TRAF3: variants seen among roughly 807,000 people sequenced by gnomAD.
TRAF3 encodes the protein TNF receptor associated factor 3.
TRAF3 carries 13 observed loss-of-function variants against 62.3 expected under a neutral mutation model. The ratio of observed to expected loss-of-function variants is 0.21; its 90% CI spans 0.14 to 0.33. The LOEUF (loss-of-function observed/expected upper bound fraction) is 0.33, where lower values mean the gene tolerates loss of function less well. Ranked by LOEUF, TRAF3 falls within the 10% of genes least tolerant of loss-of-function variation. TRAF3 has a pLI of 1.00. For missense variants in TRAF3, 440 were observed against 741.8 expected (o/e 0.59, Z 4.73); for synonymous variants, 269 against 283.4 (o/e 0.95, Z 0.51).
intron 2 of TRAF3, among the ~76,000 whole-genome samples, chr14:102,864,731 C>T (rs927901213): frequency 3.9e-5 from 6 of 152,180 alleles, no homozygotes; most frequent in African/African-American, 1.2e-4. Context: ...GCCCTCCCTG[C>T]TGTTAAGAAC....
chr14:102,784,166 C>T (rs1027278074), intron 1 of TRAF3, among the ~76,000 whole-genome samples: 1 of 150,104 alleles, frequency 6.7e-6, no homozygotes, highest in African/African-American at 2.5e-5. Context: ...ATAGGTTTTT[C>T]CCTGCATTTT....
At chr14:102,876,629 T>G (rs973419104) in intron 6 of TRAF3, 104 bp downstream of exon 6, 2 of 1,446,916 alleles carry the variant, frequency 1.4e-6, no homozygotes, top group Non-Finnish European at 1.9e-6. Context: ...AGGCCTTCCC[T>G]CAACTCATAG....
At chr14:102,837,533 T>A (rs1169565019) in intron 2 of TRAF3, among the ~76,000 whole-genome samples, 1 of 152,174 alleles carries the variant, frequency 6.6e-6, no homozygotes, top group Non-Finnish European at 1.5e-5. Context: ...ACTAGCCTTA[T>A]TTGGTTCAGC....
chr14:102,838,670 C>T (rs980264162), intron 2 of TRAF3, among the ~76,000 whole-genome samples: 8 of 152,132 alleles, frequency 5.3e-5, no homozygotes, highest in Admixed American at 1.3e-4. Flanking sequence ...AGGAGACAGT[C>T]GTTGCGGCTG....
At position 102,903,163 on chromosome 14, in the gene TRAF3, C is replaced by G. The variant is rs768344567; in HGVS notation, c.961-92C>G. ...CCTCATACAGGGGCCTCTGACTGTT[C>G]TGCTCCTAGCCTGTCTGTATTTGAT... On this transcript the variant is annotated intron_variant, in intron 10 of 11. Transcript: ENST00000392745. The surrounding 1 kb of genome is among the most constrained non-coding windows in gnomAD (Gnocchi z 6.4). The G allele has an allele frequency of 8.9e-6, 14 of 1,581,704 alleles. No individual in the cohort carries two copies. The highest frequency in any genetic ancestry group is 4.5e-5 in the East Asian group (2 of 44,702).
chr14:102,777,788 G>T, intron 1 of TRAF3, 113 bp downstream of exon 1: 1 of 143,534 alleles, frequency 7.0e-6, no homozygotes, highest in Middle Eastern at 3.6e-3. Flanking sequence ...GGGGCTGCCC[G>T]GCGCGGGCCC....
rs148676941 is a variant in TRAF3, at chr14:102,807,478, A to G, written c.-156-22856A>G. On this transcript the variant is annotated intron_variant, in intron 1 of 11. Coordinates refer to ENST00000392745, the MANE Select transcript of TRAF3 (RefSeq NM_145725.3). The stretch of plus-strand genomic sequence containing the variant: ...ACTAGCCATGTTTATTTTCTTGTGG[A>G]GATGGGGTCTTGCTATGCTGCCCAG... Among the ~76,000 whole-genome samples the G allele has an allele frequency of 7.7e-3, 1,165 of 152,194 alleles. 9 individuals are homozygous for G. Among genetic ancestry groups the G allele is most frequent in the South Asian group, 0.042 (204 of 4,826 alleles).
intron 1 of TRAF3, among the ~76,000 whole-genome samples, chr14:102,792,432 A>AT (rs35496572): frequency 0.019 from 2,363 of 122,680 alleles, 56 homozygotes; most frequent in African/African-American, 0.061. Flanking sequence ...CAGTTAATTG[A>AT]TTTTTTTTTT....
At chr14:102,793,645 A>G (rs546237820) in intron 1 of TRAF3, among the ~76,000 whole-genome samples, 2 of 152,324 alleles carry the variant, frequency 1.3e-5, no homozygotes, top group South Asian at 4.1e-4. Flanking sequence ...AGCTGTAAGC[A>G]TAGGAGTTGC....
chr14:102,871,731 A>G (rs151160565), intron 3 of TRAF3, among the ~76,000 whole-genome samples, 186 bp from the exon 4 acceptor site: 2,627 of 152,310 alleles, frequency 0.017, 40 homozygotes, highest in Middle Eastern at 0.027. Context: ...TCAGCATTTT[A>G]AAAAATGTAG....
intron 11 of TRAF3, 21 bp from the exon 12 acceptor site, chr14:102,905,187 CACCAA>C (rs1890526597): frequency 6.2e-7 from 1 of 1,609,554 alleles, no homozygotes; most frequent in African/African-American, 1.3e-5. Context: ...CTGTCTCATT[CACCAA>C]ACCCTCCTCA....
At chr14:102,881,885 ACT>A (rs1182169908) in intron 6 of TRAF3, among the ~76,000 whole-genome samples, 1 of 152,200 alleles carries the variant, frequency 6.6e-6, no homozygotes, top group Non-Finnish European at 1.5e-5. Context: ...TAAGTAACTG[ACT>A]CTGAACACCA....
intron 1 of TRAF3, among the ~76,000 whole-genome samples, chr14:102,815,644 T>A (rs975639219): frequency 1.3e-5 from 2 of 152,242 alleles, no homozygotes; most frequent in African/African-American, 4.8e-5. Flanking sequence ...GGACTACTTG[T>A]ATTAGTCTGT....
chr14:102,858,943 T>C (rs1405429101), intron 2 of TRAF3, among the ~76,000 whole-genome samples: 1 of 152,196 alleles, frequency 6.6e-6, no homozygotes, highest in Admixed American at 6.5e-5. Context: ...GAAGGTAAGA[T>C]TCTTATAAAC....
chr14:102,780,184 A>G (rs1335337217), intron 1 of TRAF3, among the ~76,000 whole-genome samples: 4 of 152,202 alleles, frequency 2.6e-5, no homozygotes, highest in Non-Finnish European at 5.9e-5. Context: ...TTTCAGCAGG[A>G]GTGATGAAGC....
chr14:102,862,239 T>G (rs1041381221), intron 2 of TRAF3, among the ~76,000 whole-genome samples: 19 of 152,020 alleles, frequency 1.2e-4, no homozygotes, highest in African/African-American at 4.6e-4. Context: ...TATAGAATTC[T>G]TGGTTGAAAA....
chr14:102,793,177 G>C (rs900155428), intron 1 of TRAF3, among the ~76,000 whole-genome samples: 3 of 151,958 alleles, frequency 2.0e-5, no homozygotes, highest in Admixed American at 6.6e-5. Flanking sequence ...TTTGAGACAG[G>C]GTCTTACTCT....
In TRAF3 at chr14:102,855,880, C is replaced by T. The variant is rs150339835; in HGVS notation, c.-17-14305C>T. Reference sequence around the variant, plus strand: ...GCCAGGGTGGGAGGATCACTTGAGCCCAGGAGTTTGAGAACAACCTGGGCA... The same window carrying T: ...GCCAGGGTGGGAGGATCACTTGAGCTCAGGAGTTTGAGAACAACCTGGGCA... On this transcript the variant is annotated intron_variant, in intron 2 of 11. Transcript: ENST00000392745. Among the ~76,000 whole-genome samples, 266 of 151,638 alleles carry T rather than the reference C, an allele frequency of 1.8e-3. 2 individuals are homozygous for T. Among genetic ancestry groups the T allele is most frequent in the African/African-American group, 5.9e-3 (245 of 41,322 alleles).
intron 1 of TRAF3, among the ~76,000 whole-genome samples, chr14:102,802,977 A>T (rs1293338333): frequency 6.6e-6 from 1 of 152,224 alleles, no homozygotes; most frequent in Non-Finnish European, 1.5e-5. Context: ...TGGTGGCAGC[A>T]AGGAGAAGTG....
Sources: gnomAD v4.1 joint callset for allele counts (sites outside exome capture counted in the v4.1 genomes callset) on GRCh38, gnomAD v4.1.1 for gene constraint, Gnocchi (gnomAD v3.1) non-coding constraint, MANE v1.5 for transcripts, NCBI Gene and HGNC (gene_info 2026-07-23, HGNC 2026-07-21) for gene names.